SHISA6: variants seen among roughly 807,000 people sequenced by gnomAD.
SHISA6 encodes protein shisa-6.
SHISA6 carries 22 observed loss-of-function variants against 47.9 expected under a neutral mutation model. That is an observed-to-expected ratio of 0.46 (90% CI 0.33 to 0.66). The LOEUF is 0.66. Among genes scored for constraint, SHISA6 ranks in the 30% least tolerant of loss-of-function variants. The pLI is 0.02. For synonymous variants in SHISA6, 388 were observed against 337.8 expected, an observed-to-expected ratio of 1.15 and a Z score of -1.63; for missense variants, 680 against 764.6, an observed-to-expected ratio of 0.89 and a Z score of 1.30.
intron 2 of SHISA6, among the ~76,000 whole-genome samples, chr17:11,287,577 T>G: frequency 6.7e-6 from 1 of 149,378 alleles, no homozygotes; most frequent in African/African-American, 2.5e-5. Context: ...GAGGCTGAGG[T>G]AGGAGGATTA....
At chr17:11,373,284 A>T (rs565953746) in intron 2 of SHISA6, among the ~76,000 whole-genome samples, 1 of 152,114 alleles carries the variant, frequency 6.6e-6, no homozygotes, top group South Asian at 2.1e-4. Context: ...TTCTTAAAGG[A>T]TAATTTGGCA....
chr17:11,529,884 C>G (rs1205113800), intron 3 of SHISA6, among the ~76,000 whole-genome samples: 1 of 151,946 alleles, frequency 6.6e-6, no homozygotes, highest in Non-Finnish European at 1.5e-5. Flanking sequence ...AATATTCAAA[C>G]GTATATCAAA....
chr17:11,363,980 G>GAGCT (rs777650475), intron 2 of SHISA6, among the ~76,000 whole-genome samples: 17 of 152,312 alleles, frequency 1.1e-4, no homozygotes, highest in Non-Finnish European at 2.5e-4. Flanking sequence ...AGCAGTCACA[G>GAGCT]AGCTGGAGCA....
intron 1 of SHISA6, among the ~76,000 whole-genome samples, chr17:11,243,762 C>CT: frequency 6.6e-6 from 1 of 152,310 alleles, no homozygotes; most frequent in South Asian, 2.1e-4. Flanking sequence ...CTTGTCTCCT[C>CT]TTCCCCTTCC....
intron 3 of SHISA6, among the ~76,000 whole-genome samples, chr17:11,456,014 T>C (rs1047480030): frequency 3.6e-5 from 2 of 55,710 alleles, no homozygotes; most frequent in African/African-American, 2.1e-4. Context: ...CCCAGACCTG[T>C]CCTCCCAACA....
chr17:11,241,575 G>T lies in SHISA6; in HGVS notation c.153G>T (p.Leu51=). Residue 51 remains leucine (L), a synonymous_variant, in exon 1 of 6, where the codon CTG becomes CTT. Coordinates refer to ENST00000441885, the MANE Select transcript of SHISA6 (RefSeq NM_207386.4). The surrounding 1 kb of genome is among the most constrained non-coding windows in gnomAD (Gnocchi z 5.5). ...GGGGCCGGAGGGCCGGGGGCGCCCT[G>T]GCACGGGGCGGCCGCGAGCTGAACG... is the stretch of plus-strand genomic sequence containing the variant. ...AVGGRRAGGA[L]ARGGRELNGT... 8.9e-7 allele frequency: 1 copy of T among 1,120,726 alleles called. No individual in the cohort carries two copies. Among genetic ancestry groups the T allele is most frequent in the Non-Finnish European group, 1.1e-6 (1 of 919,242 alleles). 69.4% of individuals were successfully genotyped at this position (1,120,726 alleles called of 1,614,324 possible).
chr17:11,246,361 G>A lies in SHISA6; in HGVS notation c.638+4301G>A, dbSNP rs376155834. Among the ~76,000 whole-genome samples, 60 of 152,280 alleles carry A rather than the reference G, an allele frequency of 3.9e-4. No homozygotes were observed. The East Asian group carries it at 0.011, about 29-fold the overall frequency. On this transcript the variant is annotated intron_variant, in intron 1 of 5. Transcript: ENST00000441885. The stretch of plus-strand genomic sequence containing the variant: ...AAAAGTTAGCCGGGTGTGGTGGCAT[G>A]CGCCTGTAGTCCCAGCTACTCGGGA...
intron 3 of SHISA6, among the ~76,000 whole-genome samples, chr17:11,546,308 T>G (rs1439456523): frequency 6.6e-6 from 1 of 152,114 alleles, no homozygotes; most frequent in Non-Finnish European, 1.5e-5. Flanking sequence ...CCCTGACACC[T>G]GGGGTCTGGG....
chr17:11,455,456 A>G (rs1030747468), intron 3 of SHISA6, among the ~76,000 whole-genome samples: 2 of 152,226 alleles, frequency 1.3e-5, no homozygotes, highest in Admixed American at 6.5e-5. Context: ...CCTTCTTAGG[A>G]GAACAAAACT....
chr17:11,389,784 C>A (rs1311570720), intron 3 of SHISA6, among the ~76,000 whole-genome samples: 1 of 152,200 alleles, frequency 6.6e-6, no homozygotes, highest in East Asian at 1.9e-4. Context: ...GAGTGGTCAT[C>A]TAAGTTGGGA....
At chr17:11,354,849 C>T (rs530534853) in intron 2 of SHISA6, among the ~76,000 whole-genome samples, 1 of 152,270 alleles carries the variant, frequency 6.6e-6, no homozygotes, top group African/African-American at 2.4e-5. Flanking sequence ...CTCTTTCTTC[C>T]CAGTCTGTGT....
chr17:11,523,324 G>A (rs1012226842), intron 3 of SHISA6, among the ~76,000 whole-genome samples: 5 of 152,168 alleles, frequency 3.3e-5, no homozygotes, highest in African/African-American at 1.2e-4. Flanking sequence ...TCCTCTCCTT[G>A]TCTGTGGGAG....
chr17:11,545,316 T>C (rs1241686439), intron 3 of SHISA6, among the ~76,000 whole-genome samples: 1 of 152,174 alleles, frequency 6.6e-6, no homozygotes, highest in Non-Finnish European at 1.5e-5. Context: ...TATGATTCCA[T>C]TTCTATAACA....
chr17:11,455,564 C>T (rs181574412), intron 3 of SHISA6, among the ~76,000 whole-genome samples: 6 of 152,056 alleles, frequency 3.9e-5, no homozygotes, highest in Admixed American at 2.0e-4. Flanking sequence ...TGTGTACAAG[C>T]GTGGAGAGCG....
Position 11,557,965 on chromosome 17 carries a change from C to T in SHISA6, c.1317C>T (p.Arg439=), listed in dbSNP as rs949926821. The change falls in exon 6 of 6, where the codon CGC becomes CGT. Residue 439 remains arginine, a synonymous_variant. Transcript: ENST00000441885. ...ATGAGTTCAGCATGCCCTACGACCG[C>T]ATCCTGTCCGACGAGCAGCTGCTCT... is the stretch of plus-strand genomic sequence containing the variant. ...LPDEFSMPYD[R]ILSDEQLLST... 4 of 1,551,418 alleles carry T rather than the reference C, an allele frequency of 2.6e-6. No homozygotes were observed. The highest frequency in any genetic ancestry group is 3.5e-6 in the Non-Finnish European group (4 of 1,146,952).
At chr17:11,551,817 A>G (rs532280273) in intron 3 of SHISA6, 79 bp from the exon 4 acceptor site, 1 of 1,254,438 alleles carries the variant, frequency 8.0e-7, no homozygotes, top group South Asian at 1.3e-5. Context: ...CATTAGAGGT[A>G]AAGAGAGATG....
intron 3 of SHISA6, among the ~76,000 whole-genome samples, chr17:11,526,902 T>TATATATATATATATATAC (rs2071689386): frequency 1.7e-3 from 34 of 20,086 alleles, no homozygotes; most frequent in African/African-American, 7.3e-3. Flanking sequence ...TATATATATA[T>TATATATATATATATATAC]ATATATATAT....
intron 4 of SHISA6, among the ~76,000 whole-genome samples, chr17:11,554,292 T>C (rs1039849243): frequency 6.6e-6 from 1 of 152,102 alleles, no homozygotes; most frequent in African/African-American, 2.4e-5. Flanking sequence ...CTAATGGGGA[T>C]GTAGAGCACC....
In SHISA6 at chr17:11,540,525, T is replaced by TG. The variant is rs750144499; in HGVS notation, c.896-11371_896-11370insG. On this transcript the variant is annotated intron_variant, in intron 3 of 5. Transcript: ENST00000441885. ...GTTTGGCTAAAGCTCTCACTTCTAC[T>TG]AGTCCTGGAGCACTACAGTGTCTCT... is the stretch of plus-strand genomic sequence containing the variant. Among the ~76,000 whole-genome samples the TG allele has an allele frequency of 2.0e-5, 3 of 152,330 alleles. No homozygotes were observed. In the South Asian group the frequency reaches 6.2e-4, roughly 32 times the overall value.
Sources: allele counts gnomAD v4.1 joint callset (sites outside exome capture counted in the v4.1 genomes callset), GRCh38; gene constraint gnomAD v4.1.1; non-coding constraint Gnocchi (gnomAD v3.1); transcripts MANE v1.5; gene names NCBI Gene and HGNC (gene_info 2026-07-23, HGNC 2026-07-21).